The following HDAC9 variants were observed in gnomAD, a reference collection of about 807,000 sequenced individuals.
HDAC9 encodes the protein MEF-2 interacting transcription repressor (MITR) protein.
In HDAC9, 41 loss-of-function variants were observed where a neutral mutation model predicts 139.4. That is an observed-to-expected ratio of 0.29 (90% CI 0.23 to 0.38). The LOEUF (loss-of-function observed/expected upper bound fraction) is 0.38, where lower values mean the gene tolerates loss of function less well. HDAC9 is among the 10% of genes least tolerant of loss of function. The pLI is 1.00. For synonymous variants in HDAC9, 517 were observed against 476.2 expected, an observed-to-expected ratio of 1.09 and a Z score of -1.12; for missense variants, 1,147 against 1,297.0, an observed-to-expected ratio of 0.88 and a Z score of 1.78.
At chr7:18,155,935 A>G (rs1298188661) in intron 1 of HDAC9, among the ~76,000 whole-genome samples, 2 of 152,152 alleles carry the variant, frequency 1.3e-5, no homozygotes, top group Non-Finnish European at 2.9e-5. Flanking sequence ...TGCATTGCTG[A>G]TGTGGCTCTT....
At chr7:18,549,590 A>G (rs1053379882) in intron 2 of HDAC9, among the ~76,000 whole-genome samples, 8 of 152,180 alleles carry the variant, frequency 5.3e-5, no homozygotes, top group African/African-American at 1.9e-4. Flanking sequence ...ATTTATTAAC[A>G]TTTTAAGGAT....
chr7:18,837,584 C>T lies in HDAC9; in HGVS notation c.2684+1587C>T, dbSNP rs1216785897. Among the ~76,000 whole-genome samples, 5 of 152,106 alleles carry T rather than the reference C, an allele frequency of 3.3e-5. No homozygotes were observed. The East Asian group carries it at 9.7e-4, about 29-fold the overall frequency. ...CCTTACTATCTCATATAATCATATC[C>T]ATTATCTTTGATGCAGAATTCATAG... On this transcript the variant is annotated intron_variant, in intron 21 of 25. Transcript: ENST00000686413.
chr7:18,304,380 A>G (rs752415208), intron 1 of HDAC9, among the ~76,000 whole-genome samples: 3 of 152,240 alleles, frequency 2.0e-5, no homozygotes, highest in Non-Finnish European at 2.9e-5. Context: ...TTCAGAGCTC[A>G]TACTCTCAAG....
chr7:18,429,853 A>T (rs1790477789), intron 1 of HDAC9, among the ~76,000 whole-genome samples: 1 of 152,194 alleles, frequency 6.6e-6, no homozygotes, highest in African/African-American at 2.4e-5. Context: ...TCTTTAAATT[A>T]ATTTGTCAGT....
At chr7:18,685,085 A>C (rs1483929569) in intron 12 of HDAC9, among the ~76,000 whole-genome samples, 3 of 152,020 alleles carry the variant, frequency 2.0e-5, no homozygotes, top group African/African-American at 7.2e-5. Flanking sequence ...TATGGAGAGA[A>C]ACTGTCCTCC....
chr7:18,975,460 T>G (rs769352547), intron 24 of HDAC9, among the ~76,000 whole-genome samples: 1 of 152,228 alleles, frequency 6.6e-6, no homozygotes, highest in Non-Finnish European at 1.5e-5. Flanking sequence ...TGCTGCCTCC[T>G]GGTCTCTTGT....
chr7:18,972,074 T>G (rs1162511251), intron 24 of HDAC9, among the ~76,000 whole-genome samples: 2 of 152,234 alleles, frequency 1.3e-5, no homozygotes, highest in East Asian at 3.8e-4. Context: ...GTGCATATTA[T>G]GTGCAAAGAA....
intron 1 of HDAC9, among the ~76,000 whole-genome samples, chr7:18,106,789 C>G (rs953908145): frequency 1.3e-5 from 2 of 152,114 alleles, no homozygotes; most frequent in Non-Finnish European, 2.9e-5. Context: ...GTCCTTCCCA[C>G]TCTCTTCTCC....
At chr7:18,714,271 A>G (rs1784548456) in intron 12 of HDAC9, among the ~76,000 whole-genome samples, 1 of 152,190 alleles carries the variant, frequency 6.6e-6, no homozygotes, top group Non-Finnish European at 1.5e-5. Flanking sequence ...TACGCAAAAC[A>G]TAGGTTATTT....
intron 1 of HDAC9, among the ~76,000 whole-genome samples, chr7:18,388,926 C>A (rs1786200102): frequency 6.6e-6 from 1 of 152,142 alleles, no homozygotes. Flanking sequence ...CTTTTCATTT[C>A]TAGTTAATTT....
intron 21 of HDAC9, among the ~76,000 whole-genome samples, chr7:18,873,165 C>T (rs1313333113): frequency 2.0e-5 from 3 of 151,968 alleles, no homozygotes; most frequent in East Asian, 1.9e-4. Flanking sequence ...AGTATATCTC[C>T]TGATAATGTA....
intron 1 of HDAC9, among the ~76,000 whole-genome samples, chr7:18,104,297 G>A (rs1247127644): frequency 6.6e-6 from 1 of 151,532 alleles, no homozygotes; most frequent in African/African-American, 2.4e-5. Context: ...GTAACCATAA[G>A]CTTGAAAGGA....
intron 1 of HDAC9, among the ~76,000 whole-genome samples, chr7:18,140,142 T>G (rs887633409): frequency 2.0e-5 from 3 of 152,116 alleles, no homozygotes; most frequent in African/African-American, 7.2e-5. Flanking sequence ...AGGGTACTCA[T>G]TACTCAAATA....
At position 18,469,346 on chromosome 7, in the gene HDAC9, A is replaced by C. The variant is rs6943353; in HGVS notation, c.-41-26916A>C. On this transcript the variant is annotated intron_variant, in intron 1 of 3. Coordinates refer to the HDAC9 transcript ENST00000413509. ...TGGGAACTTTATATTATTATTCACCATCAATTATAGATCTCATAAATCAAA... is the reference window on the plus strand; with the variant it reads ...TGGGAACTTTATATTATTATTCACCCTCAATTATAGATCTCATAAATCAAA... Among the ~76,000 whole-genome samples the C allele has an allele frequency of 5.2e-3, 789 of 152,298 alleles. 12 individuals carry two copies. Among genetic ancestry groups the C allele is most frequent in the African/African-American group, 0.017 (704 of 41,570 alleles).
At chr7:18,740,378 CT>C (rs1364861372) in intron 13 of HDAC9, among the ~76,000 whole-genome samples, 1 of 152,212 alleles carries the variant, frequency 6.6e-6, no homozygotes, top group African/African-American at 2.4e-5. Context: ...CAGACCAGAG[CT>C]GTTCCCATTT....
At chr7:18,596,690 T>C (rs1242478847) in intron 6 of HDAC9, among the ~76,000 whole-genome samples, 1 of 152,138 alleles carries the variant, frequency 6.6e-6, no homozygotes. Flanking sequence ...GCCCAGCTAC[T>C]GTAGAGTGAC....
At chr7:18,588,404 T>A (rs962801212) in intron 3 of HDAC9, among the ~76,000 whole-genome samples, 1 of 152,164 alleles carries the variant, frequency 6.6e-6, no homozygotes, top group African/African-American at 2.4e-5. Flanking sequence ...TTTACATATC[T>A]GTACATAATG....
At chr7:18,130,633 T>G (rs905312247) in intron 1 of HDAC9, among the ~76,000 whole-genome samples, 1 of 152,156 alleles carries the variant, frequency 6.6e-6, no homozygotes, top group Non-Finnish European at 1.5e-5. Context: ...TTCATCGCTA[T>G]TCTCTTTAGC....
intron 2 of HDAC9, among the ~76,000 whole-genome samples, chr7:18,228,787 T>C (rs900703525): frequency 4.6e-5 from 7 of 152,200 alleles, no homozygotes; most frequent in Non-Finnish European, 8.8e-5. Context: ...CTGAAAAAGA[T>C]AGGCTGACTA....
Sources: gnomAD v4.1 joint callset for allele counts (sites outside exome capture counted in the v4.1 genomes callset) on GRCh38, gnomAD v4.1.1 for gene constraint, MANE v1.5 for transcripts, NCBI Gene and HGNC (gene_info 2026-07-23, HGNC 2026-07-21) for gene names.